RNMT: variants seen among roughly 807,000 people sequenced by gnomAD.
RNMT encodes RNA guanine-7 methyltransferase.
A neutral mutation model predicts 56.0 loss-of-function variants in RNMT; 27 were observed. The observed-to-expected ratio is 0.48, with a 90% confidence interval of 0.36 to 0.67. RNMT has a LOEUF of 0.67. RNMT is among the 30% of genes least tolerant of loss of function. The pLI is 0.00. For synonymous variants in RNMT, 184 were observed against 176.2 expected, an observed-to-expected ratio of 1.04 and a Z score of -0.35; for missense variants, 519 against 552.1, an observed-to-expected ratio of 0.94 and a Z score of 0.60.
rs892650897 is a variant in RNMT, at chr18:13,764,423, A to G, written c.*4444A>G. Reference sequence around the variant, plus strand: ...GGGAGATATATAAATGGAATTATGCATTCTTCGTATCTGGTTTCTTTTCAC... The same window carrying G: ...GGGAGATATATAAATGGAATTATGCGTTCTTCGTATCTGGTTTCTTTTCAC... On this transcript the variant is annotated 3_prime_UTR_variant, in exon 12 of 12. Coordinates refer to ENST00000383314, the MANE Select transcript of RNMT (RefSeq NM_003799.3). 1.3e-5 allele frequency: 2 copies of G among 152,174 alleles called. No homozygotes were observed. The highest frequency in any genetic ancestry group is 2.4e-5 in the African/African-American group (1 of 41,442). 9.4% of individuals were successfully genotyped at this position (152,174 alleles called of 1,614,324 possible).
rs2044634537 is a variant in RNMT, at chr18:13,762,652, C to T, written c.*2673C>T. 5.0e-6 allele frequency: 1 copy of T among 198,310 alleles called. No homozygotes were observed. Among genetic ancestry groups the T allele is most frequent in the Non-Finnish European group, 1.0e-5 (1 of 95,944 alleles). The allele number at this position is 198,310 out of a possible 1,614,324, so 12.3% of individuals were successfully genotyped here. On this transcript the variant is annotated 3_prime_UTR_variant, in exon 12 of 12. Transcript: ENST00000383314. ...TGGAAATTGAGGGAGCATGACCGCTCTCTGACTTCACATGTTAATAGAGGA... is the reference window on the plus strand; with the variant it reads ...TGGAAATTGAGGGAGCATGACCGCTTTCTGACTTCACATGTTAATAGAGGA...
intron 3 of RNMT, among the ~76,000 whole-genome samples, chr18:13,733,441 G>A (rs930389377): frequency 6.6e-6 from 1 of 151,756 alleles, no homozygotes; most frequent in South Asian, 2.1e-4. Context: ...GCGGTGGCCC[G>A]ATCTCGGCTC....
At chr18:13,734,629 T>G in intron 4 of RNMT, 30 bp downstream of exon 4, 3 of 1,538,828 alleles carry the variant, frequency 1.9e-6, no homozygotes, top group Non-Finnish European at 1.8e-6. Context: ...TACTGAGTCT[T>G]TAATTCCTAT....
chr18:13,750,041 G>A (rs1057051633), intron 9 of RNMT, among the ~76,000 whole-genome samples: 2 of 152,102 alleles, frequency 1.3e-5, no homozygotes, highest in Admixed American at 1.3e-4. Context: ...GTTACAGCAT[G>A]AGCTACCGAG....
chr18:13,746,930 C>A (rs751203483), intron 9 of RNMT, among the ~76,000 whole-genome samples: 15 of 152,218 alleles, frequency 9.9e-5, no homozygotes, highest in African/African-American at 3.6e-4. Context: ...GTTGCTGAGA[C>A]CTCTCCTGTC....
At chr18:13,757,069 A>ATGTTTAC (rs1359823172) in intron 11 of RNMT, among the ~76,000 whole-genome samples, 1 of 152,220 alleles carries the variant, frequency 6.6e-6, no homozygotes, top group Admixed American at 6.5e-5. Flanking sequence ...TATAAAAGTT[A>ATGTTTAC]TGTTTACTGT....
chr18:13,746,406 G>A lies in RNMT; in HGVS notation c.1257+69G>A, dbSNP rs1214289827. 3 of 866,098 alleles carry A rather than the reference G, an allele frequency of 3.5e-6. No individual in the cohort carries two copies. In the African/African-American group the frequency reaches 5.1e-5, roughly 15 times the overall value. 53.7% of individuals were successfully genotyped at this position (866,098 alleles called of 1,614,324 possible). ...TTGTTTGGCTGTTCTTGAGATCCTT[G>A]CAAGGCCATCTGAACATGAAATAGT... On this transcript the variant is annotated intron_variant, in intron 9 of 11. Coordinates refer to ENST00000383314, the MANE Select transcript of RNMT (RefSeq NM_003799.3).
chr18:13,732,057 G>T, intron 3 of RNMT, 123 bp downstream of exon 3: 1 of 688,404 alleles, frequency 1.5e-6, no homozygotes, highest in Non-Finnish European at 2.3e-6. Flanking sequence ...AATAGATATG[G>T]TCCTAAGACA....
chr18:13,761,728 T>C lies in RNMT; in HGVS notation c.*1749T>C, dbSNP rs867089193. On this transcript the variant is annotated 3_prime_UTR_variant, in exon 12 of 12. Transcript: ENST00000383314. ...GCTCTGGGGACTGAGCCCACTGTTG[T>C]TGGTGTCAGGGAGGCTTACTGGAGC... The C allele has an allele frequency of 8.7e-7, 1 of 1,143,996 alleles. No homozygotes were observed. The highest frequency in any genetic ancestry group is 1.1e-6 in the Non-Finnish European group (1 of 926,922). The allele number at this position is 1,143,996 out of a possible 1,614,324, so 70.9% of individuals were successfully genotyped here.
At chr18:13,753,026 T>C (rs2149104262) in intron 10 of RNMT, among the ~76,000 whole-genome samples, 1 of 152,374 alleles carries the variant, frequency 6.6e-6, no homozygotes, top group African/African-American at 2.4e-5. Flanking sequence ...AATATTTTGA[T>C]AGCTACATAA....
rs2044632715 is a variant in RNMT at position 13,762,488 on chromosome 18, G to A, written c.*2509G>A. Reference sequence around the variant, plus strand: ...CCCAGCCAGGTTCTCTGGGTCCAGGGTGACTCTCCAAAGAAATTGGCCTTC... The same window carrying A: ...CCCAGCCAGGTTCTCTGGGTCCAGGATGACTCTCCAAAGAAATTGGCCTTC... On this transcript the variant is annotated 3_prime_UTR_variant, in exon 12 of 12. Coordinates refer to ENST00000383314, the MANE Select transcript of RNMT (RefSeq NM_003799.3). 4.3e-6 allele frequency: 1 copy of A among 232,084 alleles called. No homozygotes were observed. The highest frequency in any genetic ancestry group is 8.0e-5 in the South Asian group (1 of 12,544). The allele number at this position is 232,084 out of a possible 1,614,324, so 14.4% of individuals were successfully genotyped here. A position where few individuals can be genotyped will look rare whatever the true frequency, so the allele number is the denominator to read the frequency against.
At chr18:13,732,022 A>G in intron 3 of RNMT, 88 bp downstream of exon 3, 2 of 1,057,526 alleles carry the variant, frequency 1.9e-6, no homozygotes, top group Non-Finnish European at 2.7e-6. Flanking sequence ...GTTTTTACAT[A>G]ATAGCTTAAG....
chr18:13,731,216 G>A (rs548672197), intron 2 of RNMT, among the ~76,000 whole-genome samples: 74 of 152,254 alleles, frequency 4.9e-4, no homozygotes, highest in African/African-American at 1.8e-3. Context: ...AGACCAGCCT[G>A]CCCAACGTGG....
intron 11 of RNMT, among the ~76,000 whole-genome samples, chr18:13,755,206 C>G (rs1226982393): frequency 2.6e-5 from 4 of 152,176 alleles, no homozygotes; most frequent in Non-Finnish European, 5.9e-5. Context: ...GGAACAGGCA[C>G]AAATAAACAC....
At chr18:13,742,337 T>C (rs1452885437) in intron 7 of RNMT, 151 bp from the exon 8 acceptor site, 2 of 501,630 alleles carry the variant, frequency 4.0e-6, no homozygotes, top group Non-Finnish European at 6.5e-6. Context: ...CTTGTCACTT[T>C]AAAAAAAAAA....
intron 9 of RNMT, among the ~76,000 whole-genome samples, chr18:13,750,501 A>G (rs1379429297): frequency 6.6e-6 from 1 of 152,146 alleles, no homozygotes; most frequent in African/African-American, 2.4e-5. Context: ...TAAGATTATG[A>G]TAAAAGTTGA....
In RNMT at chr18:13,760,573, G is replaced by T. The variant is rs1471545610; in HGVS notation, c.*594G>T. On this transcript the variant is annotated 3_prime_UTR_variant, in exon 12 of 12. Transcript: ENST00000383314. ...ATCATTAACATGCTGCAATTCAGGA[G>T]CTGGTTAGAACATTTTAAGTGGCAG... 3 of 985,556 alleles carry T rather than the reference G, an allele frequency of 3.0e-6. No homozygotes were observed. The highest frequency in any genetic ancestry group is 3.6e-6 in the Non-Finnish European group (3 of 829,920). 61.1% of individuals were successfully genotyped at this position (985,556 alleles called of 1,614,324 possible).
At position 13,763,350 on chromosome 18, in the gene RNMT, AG is replaced by A. The variant is rs916769980; in HGVS notation, c.*3372del. ...TTCTTCCCTCCCTCTCGTGCTGCTCAGTTTGTCCTCTGCTCCCATGTAGGCC... is the reference window on the plus strand; with the variant it reads ...TTCTTCCCTCCCTCTCGTGCTGCTCATTTGTCCTCTGCTCCCATGTAGGCC... On this transcript the variant is annotated 3_prime_UTR_variant, in exon 12 of 12. Transcript: ENST00000383314. 3.0e-6 allele frequency: 1 copy of A among 332,012 alleles called. No individual in the cohort carries two copies. Among genetic ancestry groups the A allele is most frequent in the Admixed American group, 3.7e-5 (1 of 26,920 alleles). The allele number at this position is 332,012 out of a possible 1,614,324, so 20.6% of individuals were successfully genotyped here. A position where few individuals can be genotyped will look rare whatever the true frequency, so the allele number is the denominator to read the frequency against.
intron 9 of RNMT, among the ~76,000 whole-genome samples, chr18:13,749,789 C>G (rs2044410661): frequency 6.6e-6 from 1 of 152,070 alleles, no homozygotes; most frequent in Admixed American, 6.6e-5. Context: ...CTGACACCAT[C>G]TTGGCATCTT....
Sources: allele counts gnomAD v4.1 joint callset (sites outside exome capture counted in the v4.1 genomes callset), GRCh38; gene constraint gnomAD v4.1.1; transcripts MANE v1.5; gene names NCBI Gene and HGNC (gene_info 2026-07-23, HGNC 2026-07-21).